Variants in PRKN observed in about 807,000 individuals in gnomAD.
PRKN encodes parkin RBR E3 ubiquitin protein ligase.
In PRKN, 56 loss-of-function variants were observed where a neutral mutation model predicts 59.5. The observed-to-expected ratio is 0.94, with a 90% confidence interval of 0.76 to 1.18. The LOEUF is 1.18. Ranked by LOEUF, PRKN falls within the 50% of genes most tolerant of loss-of-function variation. The pLI, the probability that PRKN is intolerant of heterozygous loss-of-function variation, is 0.00. For synonymous variants in PRKN, 250 were observed against 222.1 expected, an observed-to-expected ratio of 1.13 and a Z score of -1.12; for missense variants, 657 against 596.4, an observed-to-expected ratio of 1.10 and a Z score of -1.06.
rs1460943522 is a variant in PRKN, at chr6:162,548,109, G to A, written c.8-104636C>T. ...GGAGTCTCGCTCTGTCACCAGGCTC[G>A]TGTGCAGTGGCGCAATTTTGGCTCA... On this transcript the variant is annotated intron_variant, in intron 1 of 11. Coordinates refer to ENST00000366898, the MANE Select transcript of PRKN (RefSeq NM_004562.3). Among the ~76,000 whole-genome samples, 6 of 152,030 alleles carry A rather than the reference G, an allele frequency of 3.9e-5. No homozygotes were observed. In the East Asian group the frequency reaches 7.7e-4, roughly 20 times the overall value.
chr6:161,883,256 C>T (rs193077715), intron 6 of PRKN, among the ~76,000 whole-genome samples: 1 of 152,160 alleles, frequency 6.6e-6, no homozygotes, highest in East Asian at 1.9e-4. Flanking sequence ...CATCCTAGCA[C>T]TTTGGGAGGC....
rs1410014894 is a variant in PRKN, at chr6:161,363,316, A to G, written c.1168-3111T>C. 6.6e-6 allele frequency among the ~76,000 whole-genome samples: 1 copy of G among 152,226 alleles called. No homozygotes were observed. Among genetic ancestry groups the G allele is most frequent in the Non-Finnish European group, 1.5e-5 (1 of 68,046 alleles). On this transcript the variant is annotated intron_variant, in intron 10 of 11. Coordinates refer to ENST00000366898, the MANE Select transcript of PRKN (RefSeq NM_004562.3). The surrounding 1 kb of genome is among the most constrained non-coding windows in gnomAD (Gnocchi z 4.1). ...AATAAATAAAGGTGATGATAATGGA[A>G]TAAGAGACTGTCACAATTAACCAGG...
chr6:161,764,954 T>C (rs1252161549), intron 7 of PRKN, among the ~76,000 whole-genome samples: 1 of 152,248 alleles, frequency 6.6e-6, no homozygotes, highest in Admixed American at 6.5e-5. Flanking sequence ...CTGACAAATA[T>C]GCCTCCTACT....
intron 2 of PRKN, among the ~76,000 whole-genome samples, chr6:162,281,335 C>A (rs1456486172): frequency 6.6e-6 from 1 of 151,816 alleles, no homozygotes; most frequent in African/African-American, 2.4e-5. Flanking sequence ...CTGACGGGTG[C>A]AGCAAACCAC....
intron 1 of PRKN, among the ~76,000 whole-genome samples, chr6:162,493,249 G>A (rs1340203707): frequency 1.3e-5 from 2 of 152,180 alleles, no homozygotes; most frequent in Non-Finnish European, 2.9e-5. Flanking sequence ...GGAGAACTGC[G>A]AAGAGGAAGG....
chr6:161,409,341 G>T lies in PRKN; in HGVS notation c.1084-22464C>A, dbSNP rs773993561. Among the ~76,000 whole-genome samples the T allele has an allele frequency of 1.3e-5, 2 of 152,168 alleles. No individual in the cohort carries two copies. Among genetic ancestry groups the T allele is most frequent in the Non-Finnish European group, 1.5e-5 (1 of 68,036 alleles). ...AAATCTCTGAGACGATGACAGCATT[G>T]TGTGTTCTCTAAAGCGCCAGGTTAT... On this transcript the variant is annotated intron_variant, in intron 9 of 11. Coordinates refer to ENST00000366898, the MANE Select transcript of PRKN (RefSeq NM_004562.3). The surrounding 1 kb of genome is among the most constrained non-coding windows in gnomAD (Gnocchi z 4.6).
chr6:161,750,098 C>CATATATATATATATATATATAT (rs72125109), intron 7 of PRKN, among the ~76,000 whole-genome samples: 3 of 145,112 alleles, frequency 2.1e-5, no homozygotes, highest in African/African-American at 7.8e-5. Flanking sequence ...ACACATAGGA[C>CATATATATATATATATATATAT]ATATATATAT....
At chr6:161,508,176 T>C (rs1457256411) in intron 9 of PRKN, among the ~76,000 whole-genome samples, 2 of 152,210 alleles carry the variant, frequency 1.3e-5, no homozygotes, top group Non-Finnish European at 2.9e-5. Flanking sequence ...AGATTCCAGG[T>C]GTTAATTCAA....
intron 1 of PRKN, among the ~76,000 whole-genome samples, chr6:162,457,777 T>C (rs1370680309): frequency 1.3e-5 from 2 of 152,196 alleles, no homozygotes; most frequent in African/African-American, 2.4e-5. Flanking sequence ...TGCTCATTTT[T>C]ATATAGACAA....
chr6:161,513,192 CTG>C, intron 9 of PRKN, among the ~76,000 whole-genome samples: 1 of 152,216 alleles, frequency 6.6e-6, no homozygotes, highest in Non-Finnish European at 1.5e-5. Flanking sequence ...CATTCTCAAA[CTG>C]TGACGGGATA....
chr6:162,111,072 C>T (rs780761569), intron 4 of PRKN, among the ~76,000 whole-genome samples: 30 of 152,162 alleles, frequency 2.0e-4, no homozygotes, highest in Admixed American at 9.8e-4. Flanking sequence ...AGAAGACGTT[C>T]GGAGATGGAT....
rs1779767340 is a variant in PRKN at position 161,545,555 on chromosome 6, A to G, written c.1083+3299T>C. The G allele has an allele frequency of 1.3e-6, 1 of 765,138 alleles. No individual in the cohort carries two copies. The highest frequency in any genetic ancestry group is 1.7e-5 in the African/African-American group (1 of 58,204). The allele number at this position is 765,138 out of a possible 1,614,324, so 47.4% of individuals were successfully genotyped here. ...AATTTCTTCCAGACAATGGCTTTCC[A>G]TTACACTCCTTAAACCCAGAAAAGA... On this transcript the variant is annotated intron_variant, in intron 9 of 11. Transcript: ENST00000366898. This position sits in a 1 kb window ranked among gnomAD's most constrained non-coding sequence, Gnocchi z 4.1.
intron 1 of PRKN, among the ~76,000 whole-genome samples, chr6:162,625,269 G>A (rs1782838173): frequency 6.6e-6 from 1 of 152,184 alleles, no homozygotes; most frequent in Non-Finnish European, 1.5e-5. Flanking sequence ...TATCACTGCA[G>A]CTCAGACAAT....
chr6:161,534,502 C>T (rs987371687), intron 9 of PRKN, among the ~76,000 whole-genome samples: 4 of 152,190 alleles, frequency 2.6e-5, no homozygotes, highest in African/African-American at 4.8e-5. Flanking sequence ...GGTATGCACA[C>T]GAGCAATGTG....
chr6:162,292,349 C>G (rs973605990), intron 2 of PRKN, among the ~76,000 whole-genome samples: 2 of 152,128 alleles, frequency 1.3e-5, no homozygotes, highest in Non-Finnish European at 2.9e-5. Context: ...CATAAAGGAG[C>G]AGAATATTTC....
At chr6:162,230,298 C>G (rs1436296165) in intron 3 of PRKN, among the ~76,000 whole-genome samples, 1 of 152,200 alleles carries the variant, frequency 6.6e-6, no homozygotes, top group African/African-American at 2.4e-5. Flanking sequence ...AGTATGACAA[C>G]AGTGACGGTT....
intron 8 of PRKN, 145 bp downstream of exon 8, chr6:161,569,210 A>G (rs1780773396): frequency 4.1e-6 from 3 of 725,062 alleles, no homozygotes; most frequent in Non-Finnish European, 7.5e-6. Context: ...AAGTGTCCTC[A>G]CACATATCTC....
intron 1 of PRKN, 146 bp from the exon 2 acceptor site, chr6:162,443,619 A>G: frequency 1.3e-6 from 1 of 768,342 alleles, no homozygotes; most frequent in Non-Finnish European, 2.3e-6. Flanking sequence ...CAAAAAACTT[A>G]ATGCTATAGA....
chr6:162,014,738 T>C (rs1311655635), intron 5 of PRKN, among the ~76,000 whole-genome samples: 1 of 152,046 alleles, frequency 6.6e-6, no homozygotes, highest in African/African-American at 2.4e-5. Flanking sequence ...TGAGGGGAGC[T>C]CCTTACTCCA....
Sources: gnomAD v4.1 joint callset for allele counts (sites outside exome capture counted in the v4.1 genomes callset) on GRCh38, gnomAD v4.1.1 for gene constraint, Gnocchi (gnomAD v3.1) non-coding constraint, MANE v1.5 for transcripts, NCBI Gene and HGNC (gene_info 2026-07-23, HGNC 2026-07-21) for gene names.